Variants in UNC5C observed in about 807,000 individuals in gnomAD.
The protein encoded by UNC5C is unc-5 netrin receptor C.
A neutral mutation model predicts 99.8 loss-of-function variants in UNC5C; 47 were observed. The observed-to-expected ratio is 0.47, with a 90% confidence interval of 0.37 to 0.60. UNC5C has a LOEUF of 0.60. Ranked by LOEUF, UNC5C falls within the 20% of genes least tolerant of loss-of-function variation. The probability of loss-of-function intolerance (pLI) is 0.00; values close to 1 mark genes in which losing one functional copy is unlikely to be tolerated. For synonymous variants in UNC5C, 487 were observed against 452.2 expected (o/e 1.08, Z -0.98); for missense variants, 1,062 against 1,165.9 (o/e 0.91, Z 1.30).
chr4:95,440,610 T>C (rs2149463399), intron 1 of UNC5C, among the ~76,000 whole-genome samples: 1 of 152,210 alleles, frequency 6.6e-6, no homozygotes, highest in Non-Finnish European at 1.5e-5. Flanking sequence ...TTTTAAGGCA[T>C]TCTAGGTTTT....
intron 1 of UNC5C, among the ~76,000 whole-genome samples, chr4:95,440,663 T>C (rs1391044346): frequency 2.0e-5 from 3 of 152,136 alleles, no homozygotes; most frequent in East Asian, 3.9e-4. Context: ...AAAATTAAGA[T>C]TCCGAAGACC....
At chr4:95,358,491 A>T (rs28537146) in intron 1 of UNC5C, among the ~76,000 whole-genome samples, 1 of 151,994 alleles carries the variant, frequency 6.6e-6, no homozygotes, top group Non-Finnish European at 1.5e-5. Context: ...AGCAATGAAC[A>T]GTGCTGGTTA....
chr4:95,311,424 A>G (rs770368127), intron 2 of UNC5C, among the ~76,000 whole-genome samples: 5 of 152,250 alleles, frequency 3.3e-5, no homozygotes, highest in Non-Finnish European at 7.3e-5. Flanking sequence ...TATATTACAC[A>G]TATTTGAATG....
At chr4:95,276,743 G>A (rs1740875821) in intron 4 of UNC5C, among the ~76,000 whole-genome samples, 1 of 152,132 alleles carries the variant, frequency 6.6e-6, no homozygotes, top group Admixed American at 6.5e-5. Context: ...GTGTCTTAGT[G>A]CTGCGAGATA....
At chr4:95,198,211 AC>A (rs999680587) in intron 12 of UNC5C, among the ~76,000 whole-genome samples, 1 of 150,362 alleles carries the variant, frequency 6.7e-6, no homozygotes, top group Non-Finnish European at 1.5e-5. Context: ...CTGGTCTTGA[AC>A]TCCTGACCTC....
intron 7 of UNC5C, among the ~76,000 whole-genome samples, chr4:95,229,183 G>A (rs889680047): frequency 6.6e-6 from 1 of 152,096 alleles, no homozygotes; most frequent in African/African-American, 2.4e-5. Context: ...GAATGTGCAG[G>A]TTTGTTACAT....
At chr4:95,174,696 G>T (rs1240544168) in intron 14 of UNC5C, among the ~76,000 whole-genome samples, 1 of 149,548 alleles carries the variant, frequency 6.7e-6, no homozygotes, top group African/African-American at 2.5e-5. Flanking sequence ...GTGTGGTGTG[G>T]TGCTGAAAAA....
intron 1 of UNC5C, among the ~76,000 whole-genome samples, chr4:95,377,583 T>C (rs1744934744): frequency 6.6e-6 from 1 of 152,140 alleles, no homozygotes; most frequent in African/African-American, 2.4e-5. Context: ...ATCTCTGTGT[T>C]CCCTAAGAAC....
chr4:95,286,225 T>C (rs1020453957), intron 3 of UNC5C, among the ~76,000 whole-genome samples: 5 of 152,102 alleles, frequency 3.3e-5, no homozygotes, highest in African/African-American at 1.2e-4. Flanking sequence ...GACAAAGCAA[T>C]TGGGAGGGCT....
At chr4:95,281,750 T>C (rs1327918763) in intron 3 of UNC5C, among the ~76,000 whole-genome samples, 1 of 152,212 alleles carries the variant, frequency 6.6e-6, no homozygotes, top group Non-Finnish European at 1.5e-5. Flanking sequence ...AAATTCATTT[T>C]GGTACATGTT....
At chr4:95,420,305 G>A (rs562272572) in intron 1 of UNC5C, among the ~76,000 whole-genome samples, 2 of 152,138 alleles carry the variant, frequency 1.3e-5, no homozygotes, top group African/African-American at 4.8e-5. Flanking sequence ...TAAAATCCAG[G>A]AAGGTTTAGT....
At chr4:95,321,503 A>G (rs1339832640) in intron 2 of UNC5C, among the ~76,000 whole-genome samples, 1 of 148,330 alleles carries the variant, frequency 6.7e-6, no homozygotes, top group South Asian at 2.1e-4. Flanking sequence ...ACTCTGATCT[A>G]ACTATGTTTT....
At chr4:95,544,579 G>T (rs1723010344) in intron 1 of UNC5C, among the ~76,000 whole-genome samples, 1 of 152,108 alleles carries the variant, frequency 6.6e-6, no homozygotes, top group South Asian at 2.1e-4. Context: ...TTCCTGTAGG[G>T]CTTAAACTGC....
chr4:95,391,779 G>A (rs181531684), intron 1 of UNC5C, among the ~76,000 whole-genome samples: 5,020 of 130,056 alleles, frequency 0.039, 147 homozygotes, highest in Non-Finnish European at 0.056. Context: ...AAAAAAAAAG[G>A]CACTTTTAAA....
intron 1 of UNC5C, among the ~76,000 whole-genome samples, chr4:95,547,065 C>A (rs746147074): frequency 2.6e-5 from 4 of 151,964 alleles, no homozygotes; most frequent in Non-Finnish European, 5.9e-5. Context: ...AAACACCCCC[C>A]TCTAAGCACC....
intron 3 of UNC5C, among the ~76,000 whole-genome samples, chr4:95,298,046 C>T (rs777235188): frequency 2.6e-5 from 4 of 152,198 alleles, no homozygotes; most frequent in African/African-American, 2.4e-5. Flanking sequence ...TGGTGGCTAA[C>T]GCCTGTAATC....
intron 12 of UNC5C, among the ~76,000 whole-genome samples, chr4:95,199,033 T>TA (rs1320660082): frequency 2.0e-5 from 3 of 152,128 alleles, no homozygotes; most frequent in Non-Finnish European, 4.4e-5. Context: ...TGGGTTTTTA[T>TA]AAAAGCTTCC....
chr4:95,347,819 T>A (rs549260726), intron 1 of UNC5C, among the ~76,000 whole-genome samples: 1 of 152,042 alleles, frequency 6.6e-6, no homozygotes, highest in African/African-American at 2.4e-5. Context: ...AAAATAAAGA[T>A]TGGGGAAACT....
intron 12 of UNC5C, among the ~76,000 whole-genome samples, chr4:95,199,259 G>A (rs1352959951): frequency 1.3e-5 from 2 of 152,144 alleles, no homozygotes; most frequent in Non-Finnish European, 2.9e-5. Flanking sequence ...GTAATAAAGG[G>A]CTTTTTGAGC....
Sources: allele counts gnomAD v4.1 joint callset (sites outside exome capture counted in the v4.1 genomes callset), GRCh38; gene constraint gnomAD v4.1.1; transcripts MANE v1.5; gene names NCBI Gene and HGNC (gene_info 2026-07-23, HGNC 2026-07-21).